Variants in GRM8 observed in about 807,000 individuals in gnomAD.
GRM8 encodes glutamate metabotropic receptor 8.
A neutral mutation model predicts 87.2 loss-of-function variants in GRM8; 47 were observed. The observed-to-expected ratio is 0.54, with a 90% CI of 0.43 to 0.69. GRM8 has a LOEUF of 0.69. Ranked by LOEUF, GRM8 falls within the 30% of genes least tolerant of loss-of-function variation. The probability of loss-of-function intolerance (pLI) is 0.00; values close to 1 mark genes in which losing one functional copy is unlikely to be tolerated. For synonymous variants in GRM8, 396 were observed against 404.5 expected (o/e 0.98, Z 0.25); for missense variants, 1,019 against 1,139.2 (o/e 0.89, Z 1.52).
chr7:127,219,176 A>T (rs17867157), intron 2 of GRM8, among the ~76,000 whole-genome samples: 1 of 152,126 alleles, frequency 6.6e-6, no homozygotes, highest in African/African-American at 2.4e-5. Context: ...TTACAACATC[A>T]ATCATCATTA....
chr7:127,104,430 T>G (rs1485631104), intron 3 of GRM8, among the ~76,000 whole-genome samples: 1 of 152,180 alleles, frequency 6.6e-6, no homozygotes, highest in East Asian at 1.9e-4. Context: ...ATCATTGTCA[T>G]GTAAAAGGTT....
chr7:126,461,628 T>C (rs1039615643), intron 9 of GRM8, among the ~76,000 whole-genome samples: 1 of 151,674 alleles, frequency 6.6e-6, no homozygotes, highest in Non-Finnish European at 1.5e-5. Context: ...CTCTACATCC[T>C]CTTTCTTTCA....
intron 9 of GRM8, among the ~76,000 whole-genome samples, chr7:126,532,242 T>A (rs1462108317): frequency 6.6e-6 from 1 of 152,234 alleles, no homozygotes; most frequent in Non-Finnish European, 1.5e-5. Flanking sequence ...AGTCCATTGA[T>A]CTTTGCCTTC....
At chr7:126,914,807 T>C (rs1803712747) in intron 3 of GRM8, among the ~76,000 whole-genome samples, 1 of 152,172 alleles carries the variant, frequency 6.6e-6, no homozygotes, top group African/African-American at 2.4e-5. Context: ...AAACTTCCTA[T>C]TGGGTACTAT....
chr7:127,059,034 A>G (rs3779538), intron 3 of GRM8, among the ~76,000 whole-genome samples: 12,149 of 152,218 alleles, frequency 0.08, 526 homozygotes, highest in South Asian at 0.13. Context: ...AATAAGGGAG[A>G]CAAGTGAGCA....
intron 2 of GRM8, among the ~76,000 whole-genome samples, chr7:127,140,593 G>A (rs1181930261): frequency 1.3e-5 from 2 of 152,116 alleles, no homozygotes; most frequent in East Asian, 3.9e-4. Flanking sequence ...CTTGGGTGGA[G>A]TATGAGGGGC....
intron 9 of GRM8, among the ~76,000 whole-genome samples, chr7:126,506,687 G>A (rs867169201): frequency 6.6e-6 from 1 of 151,626 alleles, no homozygotes; most frequent in Non-Finnish European, 1.5e-5. Flanking sequence ...GCTGAAGCAC[G>A]AGAATCACTT....
intron 6 of GRM8, among the ~76,000 whole-genome samples, chr7:126,858,309 C>T (rs1797858406): frequency 6.6e-6 from 1 of 152,102 alleles, no homozygotes; most frequent in African/African-American, 2.4e-5. Flanking sequence ...CAGGTCACTC[C>T]TTCTACTCAG....
intron 6 of GRM8, among the ~76,000 whole-genome samples, chr7:126,884,937 A>G (rs1488200317): frequency 2.0e-5 from 3 of 152,198 alleles, no homozygotes; most frequent in African/African-American, 7.2e-5. Context: ...GGGGCCTTGT[A>G]TCCTATTCCT....
intron 3 of GRM8, among the ~76,000 whole-genome samples, chr7:126,920,376 T>C (rs1804390057): frequency 6.6e-6 from 1 of 151,100 alleles, no homozygotes; most frequent in Non-Finnish European, 1.5e-5. Context: ...TTGTCTACTA[T>C]AAAAAAAAAG....
intron 6 of GRM8, 101 bp downstream of exon 6, chr7:126,902,441 A>C (rs1419663068): frequency 2.1e-5 from 20 of 973,844 alleles, no homozygotes; most frequent in Non-Finnish European, 3.0e-5. Context: ...AAAAATAGAA[A>C]ATACATTCAT....
intron 6 of GRM8, among the ~76,000 whole-genome samples, chr7:126,806,218 G>C (rs1033631651): frequency 3.3e-5 from 5 of 152,234 alleles, no homozygotes; most frequent in Admixed American, 1.3e-4. Context: ...CTTCAGGAGT[G>C]AAGCTGCAGA....
At chr7:126,507,041 C>T (rs1354300414) in intron 9 of GRM8, among the ~76,000 whole-genome samples, 1 of 152,010 alleles carries the variant, frequency 6.6e-6, no homozygotes, top group Non-Finnish European at 1.5e-5. Context: ...CCTTCCAAAT[C>T]ACCTACAGCC....
At chr7:126,455,029 AGATGTCTGATATT>A (rs1178377725) in intron 9 of GRM8, among the ~76,000 whole-genome samples, 2 of 151,728 alleles carry the variant, frequency 1.3e-5, no homozygotes, top group African/African-American at 2.4e-5. Context: ...AGAATCTCAA[AGATGTCTGATATT>A]GATTAAAACG....
chr7:126,684,255 G>A (rs1282145273), intron 7 of GRM8, among the ~76,000 whole-genome samples: 3 of 152,274 alleles, frequency 2.0e-5, no homozygotes, highest in Middle Eastern at 3.4e-3. Context: ...CAGCAGACTG[G>A]GGCTGATGCT....
At chr7:126,582,381 C>T (rs1015877121) in intron 8 of GRM8, among the ~76,000 whole-genome samples, 10 of 152,066 alleles carry the variant, frequency 6.6e-5, no homozygotes, top group Non-Finnish European at 1.0e-4. Context: ...AAGAAAAGCT[C>T]GAAGACAGCA....
intron 3 of GRM8, among the ~76,000 whole-genome samples, chr7:126,982,966 C>T (rs769193923): frequency 3.9e-5 from 6 of 152,128 alleles, no homozygotes; most frequent in Non-Finnish European, 8.8e-5. Context: ...TAATGAATCT[C>T]CTATATTCCC....
chr7:126,493,501 G>A (rs1808297501), intron 9 of GRM8, among the ~76,000 whole-genome samples: 1 of 152,018 alleles, frequency 6.6e-6, no homozygotes, highest in Non-Finnish European at 1.5e-5. Flanking sequence ...TTTCCCGGAA[G>A]AACAGATTTT....
intron 6 of GRM8, among the ~76,000 whole-genome samples, chr7:126,892,707 A>G (rs567625974): frequency 6.6e-5 from 10 of 152,200 alleles, no homozygotes; most frequent in African/African-American, 1.2e-4. Context: ...CTGAGGAATC[A>G]CCACACTGAC....
Sources: gnomAD v4.1 joint callset for allele counts (sites outside exome capture counted in the v4.1 genomes callset) on GRCh38, gnomAD v4.1.1 for gene constraint, MANE v1.5 for transcripts, NCBI Gene and HGNC (gene_info 2026-07-23, HGNC 2026-07-21) for gene names.